The following SCRN1 variants were observed in gnomAD, a reference collection of about 807,000 sequenced individuals.
SCRN1 encodes the protein secernin-1.
SCRN1 carries 19 observed loss-of-function variants against 43.3 expected under a neutral mutation model. The observed-to-expected ratio is 0.44, with a 90% CI of 0.31 to 0.64. The LOEUF (loss-of-function observed/expected upper bound fraction) is 0.64. Among genes scored for constraint, SCRN1 ranks in the 30% least tolerant of loss-of-function variants. The pLI, the probability that SCRN1 is intolerant of heterozygous loss-of-function variation, is 0.09. For synonymous variants in SCRN1, 183 were observed against 188.9 expected (o/e 0.97, Z 0.26); for missense variants, 447 against 524.1 (o/e 0.85, Z 1.44).
chr7:29,963,103 T>C (rs781385311), intron 2 of SCRN1, among the ~76,000 whole-genome samples: 9 of 152,076 alleles, frequency 5.9e-5, no homozygotes, highest in Non-Finnish European at 1.2e-4. Context: ...CAAAGTGCTT[T>C]CATGCATCAG....
At chr7:29,969,538 A>G (rs531392970) in intron 1 of SCRN1, among the ~76,000 whole-genome samples, 2 of 152,318 alleles carry the variant, frequency 1.3e-5, no homozygotes, top group African/African-American at 4.8e-5. Flanking sequence ...TCTACAGATC[A>G]ATTGACAGAT....
At chr7:29,956,104 A>C (rs1006974688) in intron 2 of SCRN1, among the ~76,000 whole-genome samples, 3 of 152,214 alleles carry the variant, frequency 2.0e-5, no homozygotes, top group African/African-American at 7.2e-5. Flanking sequence ...AATTTGAGTC[A>C]AACTATTTCT....
chr7:29,938,718 T>C (rs1427285567), intron 5 of SCRN1, among the ~76,000 whole-genome samples: 1 of 152,248 alleles, frequency 6.6e-6, no homozygotes, highest in Non-Finnish European at 1.5e-5. Context: ...CCATAAGGAA[T>C]ACTTTTAGTT....
At chr7:29,978,700 A>C (rs921356073) in intron 1 of SCRN1, among the ~76,000 whole-genome samples, 3 of 152,272 alleles carry the variant, frequency 2.0e-5, no homozygotes, top group Non-Finnish European at 2.9e-5. Flanking sequence ...GTTGCATGAA[A>C]GTAATCTGTT....
chr7:29,955,395 C>G (rs756084754), intron 2 of SCRN1, 35 bp from the exon 3 acceptor site: 1 of 1,599,050 alleles, frequency 6.3e-7, no homozygotes, highest in Non-Finnish European at 8.5e-7. Flanking sequence ...AGCGCCATCA[C>G]CTGTCAGGTA....
chr7:29,959,817 A>C (rs1163239266), intron 2 of SCRN1, among the ~76,000 whole-genome samples: 1 of 152,118 alleles, frequency 6.6e-6, no homozygotes, highest in African/African-American at 2.4e-5. Flanking sequence ...ACATTATGGA[A>C]GGAAGCCCTC....
chr7:29,925,370 C>T (rs1479977094), intron 7 of SCRN1, among the ~76,000 whole-genome samples: 1 of 152,158 alleles, frequency 6.6e-6, no homozygotes, highest in Non-Finnish European at 1.5e-5. Flanking sequence ...CTATAGTCCA[C>T]CATGTCAAAT....
chr7:29,977,714 T>C (rs1788874675), intron 1 of SCRN1, among the ~76,000 whole-genome samples: 1 of 152,258 alleles, frequency 6.6e-6, no homozygotes, highest in African/African-American at 2.4e-5. Context: ...GTATGGGCTA[T>C]TAAGTGAGTA....
At chr7:29,933,872 G>A (rs1787239799) in intron 6 of SCRN1, among the ~76,000 whole-genome samples, 1 of 152,192 alleles carries the variant, frequency 6.6e-6, no homozygotes, top group South Asian at 2.1e-4. Flanking sequence ...AACATTAACT[G>A]GGAGGGATAA....
At chr7:29,985,936 T>C (rs951390911) in intron 1 of SCRN1, among the ~76,000 whole-genome samples, 89 of 152,180 alleles carry the variant, frequency 5.8e-4, no homozygotes, top group African/African-American at 2.1e-3. Flanking sequence ...TAAAAACCAC[T>C]AGAAATATAA....
intron 3 of SCRN1, among the ~76,000 whole-genome samples, chr7:29,946,743 C>T (rs1787750665): frequency 6.6e-6 from 1 of 152,180 alleles, no homozygotes; most frequent in Admixed American, 6.5e-5. Flanking sequence ...CAGAGATACC[C>T]CTTTGTCCCA....
In SCRN1 at chr7:29,940,716, G is replaced by A. The variant is rs143901036; in HGVS notation, c.705C>T (p.Cys235=). 5.0e-5 allele frequency: 81 copies of A among 1,604,560 alleles called. 1 individual carries two copies. In the African/African-American group the frequency reaches 9.0e-4, roughly 18 times the overall value. Reference sequence around the variant, plus strand: ...TTTCTAAGCTGTCTTTGCCAGCACCGCAGTCTAGATGATCCTCAACTGGAG... The same window carrying A: ...TTTCTAAGCTGTCTTTGCCAGCACCACAGTCTAGATGATCCTCAACTGGAG... ...VFSPVEDHLD[C]GAGKDSLEKQ... The change falls in exon 5 of 8, where the codon TGC becomes TGT. Residue 235 remains cysteine (C), a synonymous_variant. Transcript: ENST00000242059.
upstream of SCRN1, chr7:29,990,065 C>T: frequency 6.6e-7 from 1 of 1,510,910 alleles, no homozygotes; most frequent in Non-Finnish European, 8.8e-7. Flanking sequence ...AAGGGAAAAC[C>T]CGGGCTTCAA....
chr7:29,921,017 C>G lies in SCRN1; in HGVS notation c.*2940G>C, dbSNP rs1445712115. 1.3e-5 allele frequency: 2 copies of G among 152,664 alleles called. No homozygotes were observed. 9.5% of individuals were successfully genotyped at this position (152,664 alleles called of 1,614,324 possible). A position where few individuals can be genotyped will look rare whatever the true frequency, so the allele number is the denominator to read the frequency against. ...GTACTATTTCTGCTTTGCTAATTTA[C>G]TCCTGCCAGAGCTTCTGTCCTTGAA... On this transcript the variant is annotated 3_prime_UTR_variant, in exon 8 of 8. Transcript: ENST00000242059.
At chr7:29,943,011 A>G (rs760936094) in intron 4 of SCRN1, among the ~76,000 whole-genome samples, 11 of 152,190 alleles carry the variant, frequency 7.2e-5, no homozygotes, top group Non-Finnish European at 1.5e-4. Flanking sequence ...ATTTGGTTCA[A>G]TTCACCCCTA....
intron 1 of SCRN1, among the ~76,000 whole-genome samples, chr7:29,976,799 T>C (rs1038696550): frequency 6.6e-6 from 1 of 152,214 alleles, no homozygotes; most frequent in African/African-American, 2.4e-5. Flanking sequence ...TGGAGTTTAC[T>C]GCAAAGGAGC....
intron 6 of SCRN1, among the ~76,000 whole-genome samples, chr7:29,929,616 G>A (rs1296108433): frequency 6.6e-6 from 1 of 152,250 alleles, no homozygotes; most frequent in Non-Finnish European, 1.5e-5. Flanking sequence ...CACAGAGCAG[G>A]GCAGGGAACT....
intron 1 of SCRN1, among the ~76,000 whole-genome samples, chr7:29,970,958 C>T (rs914792924): frequency 5.3e-5 from 8 of 152,126 alleles, no homozygotes; most frequent in Non-Finnish European, 1.2e-4. Context: ...AAGAAAGCTC[C>T]CTGAAGGCAG....
chr7:29,976,107 C>T (rs1185519267), intron 1 of SCRN1, among the ~76,000 whole-genome samples: 1 of 152,092 alleles, frequency 6.6e-6, no homozygotes, highest in Non-Finnish European at 1.5e-5. Context: ...TACTTTTTCT[C>T]CTTGTCCCCC....
Sources: allele counts gnomAD v4.1 joint callset (sites outside exome capture counted in the v4.1 genomes callset), GRCh38; gene constraint gnomAD v4.1.1; transcripts MANE v1.5; gene names NCBI Gene and HGNC (gene_info 2026-07-23, HGNC 2026-07-21).